FGF1: variants seen among roughly 807,000 people sequenced by gnomAD.
The protein encoded by FGF1 is beta-endothelial cell growth factor.
Under a neutral mutation model 13.4 loss-of-function variants are expected in FGF1, and 9 were observed. That is an observed-to-expected ratio of 0.67 (90% CI 0.40 to 1.17). The LOEUF (loss-of-function observed/expected upper bound fraction) is 1.17. Ranked by LOEUF, FGF1 falls within the 50% of genes most tolerant of loss-of-function variation. FGF1 has a pLI of 0.01. For missense variants in FGF1, 156 were observed against 192.7 expected, an observed-to-expected ratio of 0.81 and a Z score of 1.13; for synonymous variants, 93 against 79.0, an observed-to-expected ratio of 1.18 and a Z score of -0.94.
chr5:142,694,133 A>G (rs1345079645), intron 2 of FGF1, among the ~76,000 whole-genome samples: 2 of 146,202 alleles, frequency 1.4e-5, no homozygotes, highest in African/African-American at 2.5e-5. Context: ...CTATCTATCT[A>G]TCTATGTCTA....
intron 1 of FGF1, among the ~76,000 whole-genome samples, chr5:142,664,586 G>A (rs1273507085): frequency 1.3e-5 from 2 of 152,212 alleles, no homozygotes; most frequent in Non-Finnish European, 2.9e-5. Context: ...GGTACATGAA[G>A]TGACGGTCTA....
intron 1 of FGF1, among the ~76,000 whole-genome samples, chr5:142,619,176 C>T (rs1760960996): frequency 6.6e-6 from 1 of 151,992 alleles, no homozygotes; most frequent in Admixed American, 6.6e-5. Flanking sequence ...CCTCGTGATC[C>T]ACCCGCCTCA....
chr5:142,619,755 C>G (rs1412723826), intron 1 of FGF1, among the ~76,000 whole-genome samples: 1 of 151,842 alleles, frequency 6.6e-6, no homozygotes, highest in Non-Finnish European at 1.5e-5. Context: ...ATCGCTTGAA[C>G]CCGGGAGGCG....
chr5:142,635,403 C>T (rs1202008905), intron 1 of FGF1, among the ~76,000 whole-genome samples: 1 of 151,988 alleles, frequency 6.6e-6, no homozygotes, highest in Non-Finnish European at 1.5e-5. Flanking sequence ...AGGCCCTTCC[C>T]TATGGGAGCA....
chr5:142,682,275 G>C (rs1597454174), intron 1 of FGF1, among the ~76,000 whole-genome samples: 1 of 152,120 alleles, frequency 6.6e-6, no homozygotes, highest in African/African-American at 2.4e-5. Flanking sequence ...GTAGACATGG[G>C]GTTTCACCGT....
chr5:142,630,921 C>T (rs1303891427), intron 1 of FGF1, among the ~76,000 whole-genome samples: 2 of 152,212 alleles, frequency 1.3e-5, no homozygotes, highest in Admixed American at 6.5e-5. Context: ...TCCATCCATG[C>T]GTTTTCTTGT....
intron 1 of FGF1, among the ~76,000 whole-genome samples, chr5:142,667,418 C>G (rs1321281856): frequency 6.6e-6 from 1 of 151,624 alleles, no homozygotes; most frequent in Admixed American, 6.6e-5. Flanking sequence ...AACCCCGTCT[C>G]TACTAAAAAT....
chr5:142,667,361 C>A (rs1428581389), intron 1 of FGF1, among the ~76,000 whole-genome samples: 1 of 151,040 alleles, frequency 6.6e-6, no homozygotes, highest in Non-Finnish European at 1.5e-5. Context: ...CCGAGGTGGG[C>A]GGGTCATGAG....
Position 142,623,106 on chromosome 5 carries a change from T to C in FGF1, c.-34-8945A>G, listed in dbSNP as rs115003285. Among the ~76,000 whole-genome samples the C allele has an allele frequency of 4.9e-3, 745 of 152,300 alleles. 10 individuals are homozygous for C. The highest frequency in any genetic ancestry group is 0.017 in the African/African-American group (719 of 41,532). On this transcript the variant is annotated intron_variant, in intron 1 of 3. Transcript: ENST00000337706. ...GCAAATGCCAGGGCTTTTAAAATTCTCCTTTTTTTTCCCCTCTGATAGCTG... is the reference window on the plus strand; with the variant it reads ...GCAAATGCCAGGGCTTTTAAAATTCCCCTTTTTTTTCCCCTCTGATAGCTG...
chr5:142,684,063 A>G (rs1031530529), intron 1 of FGF1, among the ~76,000 whole-genome samples: 1 of 152,042 alleles, frequency 6.6e-6, no homozygotes, highest in Non-Finnish European at 1.5e-5. Flanking sequence ...TGCACTGCGG[A>G]CTCGCCCTGA....
rs10477188 is a variant in FGF1 at position 142,606,516 on chromosome 5, G to A, written c.170-5711C>T. On this transcript the variant is annotated intron_variant, in intron 2 of 3. Coordinates refer to ENST00000337706, the MANE Select transcript of FGF1 (RefSeq NM_000800.5). ...TGGGCGCCTGTAATCCCAGCTACTC[G>A]GGAGGCTGAGGCGAGAGAATTGCTT... 2.9e-3 allele frequency among the ~76,000 whole-genome samples: 441 copies of A among 151,814 alleles called. 1 individual carries two copies. The highest frequency in any genetic ancestry group is 0.01 in the African/African-American group (417 of 41,402).
intron 1 of FGF1, among the ~76,000 whole-genome samples, chr5:142,657,425 C>G (rs574279289): frequency 1.3e-5 from 2 of 152,174 alleles, no homozygotes; most frequent in African/African-American, 4.8e-5. Flanking sequence ...CCCAACACCT[C>G]TCAGGCATCC....
At chr5:142,670,321 A>G (rs900073985) in intron 1 of FGF1, among the ~76,000 whole-genome samples, 6 of 151,920 alleles carry the variant, frequency 3.9e-5, no homozygotes, top group African/African-American at 2.4e-5. Flanking sequence ...ATGCCTTCCT[A>G]TGTTGGTTCT....
intron 1 of FGF1, among the ~76,000 whole-genome samples, chr5:142,672,369 T>C (rs1182682190): frequency 6.6e-6 from 1 of 152,104 alleles, no homozygotes; most frequent in African/African-American, 2.4e-5. Context: ...ATGTTGAGCA[T>C]CCACTCCACC....
At chr5:142,671,772 G>A (rs1321156858) in intron 1 of FGF1, 3 of 152,208 alleles carry the variant, frequency 2.0e-5, no homozygotes, top group African/African-American at 7.2e-5. Context: ...AACACGTTCT[G>A]CACATTTGTT....
At chr5:142,612,750 T>C (rs984254673) in intron 2 of FGF1, among the ~76,000 whole-genome samples, 16 of 149,172 alleles carry the variant, frequency 1.1e-4, no homozygotes, top group Admixed American at 4.6e-4. Flanking sequence ...GCCTCAGCCT[T>C]CCTGCTCCTC....
At chr5:142,697,199 T>C (rs1179799362) in intron 2 of FGF1, among the ~76,000 whole-genome samples, 1 of 152,190 alleles carries the variant, frequency 6.6e-6, no homozygotes, top group African/African-American at 2.4e-5. Context: ...TCATTTTTGT[T>C]TTTTCCTTTT....
chr5:142,693,114 C>T (rs1244177007), intron 2 of FGF1, among the ~76,000 whole-genome samples: 2 of 152,092 alleles, frequency 1.3e-5, no homozygotes, highest in Admixed American at 1.3e-4. Flanking sequence ...TTAATTGATC[C>T]TATCTTTTCC....
intron 1 of FGF1, among the ~76,000 whole-genome samples, chr5:142,644,619 A>G (rs1451588779): frequency 6.6e-6 from 1 of 152,168 alleles, no homozygotes; most frequent in Non-Finnish European, 1.5e-5. Flanking sequence ...TACCTACCTT[A>G]GTATAAATCC....
Sources: allele counts gnomAD v4.1 joint callset (sites outside exome capture counted in the v4.1 genomes callset), GRCh38; gene constraint gnomAD v4.1.1; transcripts MANE v1.5; gene names NCBI Gene and HGNC (gene_info 2026-07-23, HGNC 2026-07-21).